The following MCTP1 variants were observed in gnomAD, a reference collection of about 807,000 sequenced individuals.
MCTP1 encodes multiple C2 and transmembrane domain-containing protein 1.
Under a neutral mutation model 120.6 loss-of-function variants are expected in MCTP1, and 69 were observed. The observed-to-expected ratio is 0.57, with a 90% CI of 0.47 to 0.70. MCTP1 has a LOEUF of 0.70. Among genes scored for constraint, MCTP1 ranks in the 30% least tolerant of loss-of-function variants. The pLI, the probability that MCTP1 is intolerant of heterozygous loss-of-function variation, is 0.00. For missense variants in MCTP1, 1,203 were observed against 1,248.8 expected (o/e 0.96, Z 0.55); for synonymous variants, 529 against 493.1 (o/e 1.07, Z -0.96).
chr5:95,281,496 C>A (rs1760311628), intron 1 of MCTP1, among the ~76,000 whole-genome samples: 1 of 152,200 alleles, frequency 6.6e-6, no homozygotes, highest in Non-Finnish European at 1.5e-5. Context: ...CTCTCCACTT[C>A]CCAGAGAACA....
intron 1 of MCTP1, among the ~76,000 whole-genome samples, chr5:95,149,305 T>C (rs1760683401): frequency 6.6e-6 from 1 of 152,190 alleles, no homozygotes; most frequent in Non-Finnish European, 1.5e-5. Flanking sequence ...CTCGGGTGTC[T>C]CACCCCCTCA....
intron 1 of MCTP1, among the ~76,000 whole-genome samples, chr5:95,231,959 T>C (rs944844708): frequency 2.6e-5 from 4 of 152,112 alleles, no homozygotes; most frequent in African/African-American, 7.2e-5. Flanking sequence ...TTAGTTCTTT[T>C]GTCATTTTGA....
intron 1 of MCTP1, among the ~76,000 whole-genome samples, chr5:95,260,475 C>A (rs763569417): frequency 6.6e-6 from 1 of 152,148 alleles, no homozygotes; most frequent in Non-Finnish European, 1.5e-5. Flanking sequence ...GCAAAAGCAT[C>A]GTGAGACCTC....
intron 1 of MCTP1, among the ~76,000 whole-genome samples, chr5:95,183,299 A>G (rs1457341581): frequency 6.6e-6 from 1 of 151,906 alleles, no homozygotes; most frequent in Non-Finnish European, 1.5e-5. Flanking sequence ...AGCCTAAAAC[A>G]TAAATCTAAG....
At chr5:95,168,078 T>C (rs947479799) in intron 1 of MCTP1, among the ~76,000 whole-genome samples, 1 of 152,208 alleles carries the variant, frequency 6.6e-6, no homozygotes, top group East Asian at 1.9e-4. Context: ...TTGTATAAGG[T>C]GTAAAGAAGG....
intron 1 of MCTP1, among the ~76,000 whole-genome samples, chr5:95,245,130 C>CA (rs896113518): frequency 2.6e-5 from 4 of 152,126 alleles, no homozygotes; most frequent in African/African-American, 9.7e-5. Flanking sequence ...ATAGCATCAA[C>CA]AAAAAGGACA....
intron 2 of MCTP1, among the ~76,000 whole-genome samples, chr5:94,991,842 A>G: frequency 6.6e-6 from 1 of 151,746 alleles, no homozygotes; most frequent in Non-Finnish European, 1.5e-5. Flanking sequence ...ACACCATTGC[A>G]CTCCAGCCTG....
At chr5:95,266,021 C>T (rs988492061) in intron 1 of MCTP1, among the ~76,000 whole-genome samples, 1 of 152,142 alleles carries the variant, frequency 6.6e-6, no homozygotes, top group African/African-American at 2.4e-5. Flanking sequence ...GGAAACAGAA[C>T]CCCATATTAG....
intron 19 of MCTP1, among the ~76,000 whole-genome samples, chr5:94,748,526 C>T (rs1767467136): frequency 6.6e-6 from 1 of 152,152 alleles, no homozygotes; most frequent in Non-Finnish European, 1.5e-5. Flanking sequence ...CTCTTTAGTC[C>T]CATGCTCTGA....
intron 1 of MCTP1, among the ~76,000 whole-genome samples, chr5:95,190,022 T>C (rs986654585): frequency 3.3e-5 from 5 of 152,126 alleles, no homozygotes; most frequent in Admixed American, 1.3e-4. Flanking sequence ...TGCAAAGAGA[T>C]TGAAGCATGT....
At chr5:94,716,746 TATAAAAAG>T (rs1759512882) in intron 19 of MCTP1, among the ~76,000 whole-genome samples, 1 of 147,486 alleles carries the variant, frequency 6.8e-6, no homozygotes, top group Non-Finnish European at 1.5e-5. Context: ...TTACGAAATA[TATAAAAAG>T]TTTTTTTTTT....
Position 94,714,816 on chromosome 5 carries a change from A to G in MCTP1, c.2681T>C (p.Ile894Thr), listed in dbSNP as rs1240601955. ...GCCAAAGGAAGCCACTTCATCTAGG[A>G]TGTTCTGGACACTGACACATACCTC... Reference protein sequence around the residue: ...IQEVCVSVQNILDEVASFGER... With the variant: ...IQEVCVSVQNTLDEVASFGER... Residue 894 changes from isoleucine to threonine, a missense_variant, in exon 20 of 23, where the codon ATC (isoleucine) becomes ACC (threonine). Around this residue, in one of 2 missense-constraint regions of MCTP1, gnomAD observed 740 missense variants for 871.1 expected, o/e 0.85. Transcript: ENST00000515393. 1.9e-6 allele frequency: 3 copies of G among 1,612,278 alleles called. No homozygotes were observed. The South Asian group carries it at 3.3e-5, about 18-fold the overall frequency.
chr5:95,258,391 T>G (rs1758112792), intron 1 of MCTP1, among the ~76,000 whole-genome samples: 2 of 152,136 alleles, frequency 1.3e-5, no homozygotes, highest in Admixed American at 6.5e-5. Context: ...CTACAAAATA[T>G]CTGACCAGTA....
intron 1 of MCTP1, among the ~76,000 whole-genome samples, chr5:95,045,691 A>G (rs1843022261): frequency 6.6e-6 from 1 of 152,184 alleles, no homozygotes; most frequent in Admixed American, 6.5e-5. Context: ...TGGTGACCTT[A>G]TCATTGGATA....
chr5:95,268,866 A>C (rs1394252943), intron 1 of MCTP1, among the ~76,000 whole-genome samples: 1 of 152,218 alleles, frequency 6.6e-6, no homozygotes, highest in East Asian at 1.9e-4. Context: ...TACCTGTGTC[A>C]GTGTATGTCT....
In MCTP1 at chr5:94,704,037, A is replaced by G. The variant is rs897669381; in HGVS notation, c.*3459T>C. The G allele has an allele frequency of 4.0e-5, 6 of 151,524 alleles. No individual in the cohort carries two copies. Among genetic ancestry groups the G allele is most frequent in the African/African-American group, 9.7e-5 (4 of 41,382 alleles). The allele number at this position is 151,524 out of a possible 1,614,324, so 9.4% of individuals were successfully genotyped here. A position where few individuals can be genotyped will look rare whatever the true frequency, so the allele number is the denominator to read the frequency against. ...TGTTTTCTTTCAGTGAGTTACACCAATCATCCCAGGAAAAAGAATTATAAT... is the reference window on the plus strand; with the variant it reads ...TGTTTTCTTTCAGTGAGTTACACCAGTCATCCCAGGAAAAAGAATTATAAT... On this transcript the variant is annotated 3_prime_UTR_variant, in exon 23 of 23. Transcript: ENST00000515393.
intron 6 of MCTP1, among the ~76,000 whole-genome samples, chr5:94,924,688 A>C (rs1812569016): frequency 6.6e-6 from 1 of 152,190 alleles, no homozygotes; most frequent in Non-Finnish European, 1.5e-5. Context: ...AAAAATAGCT[A>C]TCCATTTTTA....
At chr5:94,966,795 G>GA (rs1231140774) in intron 2 of MCTP1, among the ~76,000 whole-genome samples, 472 of 136,994 alleles carry the variant, frequency 3.4e-3, no homozygotes, top group Middle Eastern at 0.011. Flanking sequence ...ACTCTGTCTC[G>GA]AAAAAAAAAA....
intron 1 of MCTP1, among the ~76,000 whole-genome samples, chr5:95,041,333 A>G (rs1439672637): frequency 1.4e-5 from 2 of 141,902 alleles, no homozygotes; most frequent in African/African-American, 2.7e-5. Context: ...AAAAAAAAAG[A>G]AAAAACAAAA....
Sources: allele counts gnomAD v4.1 joint callset (sites outside exome capture counted in the v4.1 genomes callset), GRCh38; gene constraint gnomAD v4.1.1; regional missense constraint gnomAD v4.1.1; transcripts MANE v1.5; gene names NCBI Gene and HGNC (gene_info 2026-07-23, HGNC 2026-07-21).